Variants in EMC3 observed in about 807,000 individuals in gnomAD.
EMC3 encodes ER membrane protein complex subunit 3, also known as 30 kDa protein.
Under a neutral mutation model 36.6 loss-of-function variants are expected in EMC3, and 13 were observed. The ratio of observed to expected loss-of-function variants is 0.35; its 90% CI spans 0.23 to 0.56. The LOEUF is 0.56. EMC3 is among the 20% of genes least tolerant of loss of function. The pLI is 0.84. For synonymous variants in EMC3, 120 were observed against 111.9 expected (o/e 1.07, Z -0.46); for missense variants, 220 against 324.5 (o/e 0.68, Z 2.47).
At chr3:9,964,247 C>T (rs373348172) in intron 7 of EMC3, 50 bp from the exon 8 acceptor site, 18 of 1,604,056 alleles carry the variant, frequency 1.1e-5, no homozygotes, top group Non-Finnish European at 1.5e-5. Flanking sequence ...TTGTTACTGA[C>T]AGCTGTGGCT....
In EMC3 at chr3:9,970,570, C is replaced by G; in HGVS notation, c.574+12G>C. 1 of 1,613,918 alleles carries G rather than the reference C, an allele frequency of 6.2e-7. No individual in the cohort carries two copies. Among genetic ancestry groups the G allele is most frequent in the Middle Eastern group, 1.7e-4 (1 of 6,060 alleles). On this transcript the variant is annotated intron_variant, in intron 6 of 7. Coordinates refer to ENST00000245046, the MANE Select transcript of EMC3 (RefSeq NM_001394674.1). ...GGAAGTATTTGCTTAGTAAACCTGA[C>G]ATGCTTCTTACCATTATCTTGGCCC...
At chr3:9,992,733 G>A in intron 1 of EMC3, 1 of 609,466 alleles carries the variant, frequency 1.6e-6, no homozygotes. Context: ...TGGGTTTTGT[G>A]AAAAGTGTAG....
At chr3:10,004,019 T>C (rs6786636) in intron 1 of EMC3, 57,338 of 152,112 alleles carry the variant, frequency 0.38, 14,969 homozygotes, top group African/African-American at 0.75. Flanking sequence ...TACATGGCCC[T>C]GGAACGTTTC....
chr3:9,999,504 G>C (rs1017331142), intron 1 of EMC3, among the ~76,000 whole-genome samples: 25 of 152,104 alleles, frequency 1.6e-4, no homozygotes, highest in Non-Finnish European at 1.6e-4. Context: ...CTCCCAAAGT[G>C]CTGTGATTAC....
At chr3:9,969,947 G>T (rs2085768702) in intron 6 of EMC3, 146 bp from the exon 7 acceptor site, 1 of 1,342,708 alleles carries the variant, frequency 7.4e-7, no homozygotes, top group Non-Finnish European at 9.8e-7. Context: ...GTGACTCTAG[G>T]AAAGTCACTT....
At chr3:9,994,322 A>C (rs1186772584) in intron 1 of EMC3, 1 of 905,624 alleles carries the variant, frequency 1.1e-6, no homozygotes, top group South Asian at 1.3e-5. Flanking sequence ...TACTGCCAGC[A>C]GGTATGTTGA....
At chr3:9,995,769 C>T (rs1452178809) in intron 1 of EMC3, among the ~76,000 whole-genome samples, 4 of 151,970 alleles carry the variant, frequency 2.6e-5, no homozygotes, top group Non-Finnish European at 5.9e-5. Flanking sequence ...TTCCAAGTAC[C>T]TGGGACTACA....
chr3:9,993,294 T>C (rs1161714975), intron 1 of EMC3, among the ~76,000 whole-genome samples: 1 of 152,236 alleles, frequency 6.6e-6, no homozygotes, highest in Non-Finnish European at 1.5e-5. Context: ...TATCACTCTT[T>C]GGCCATTCAA....
chr3:10,006,184 G>T (rs1448075317), intron 1 of EMC3, among the ~76,000 whole-genome samples: 2 of 152,340 alleles, frequency 1.3e-5, no homozygotes, highest in East Asian at 3.9e-4. Context: ...ATCCCAGGAA[G>T]CCAGCATCGT....
intron 7 of EMC3, among the ~76,000 whole-genome samples, chr3:9,967,939 T>C (rs1044407337): frequency 6.6e-6 from 1 of 152,250 alleles, no homozygotes; most frequent in Non-Finnish European, 1.5e-5. Flanking sequence ...TTCTTTTTTT[T>C]TGAGACGAAG....
chr3:10,008,884 A>G (rs1325751284), intron 1 of EMC3: 1 of 176,244 alleles, frequency 5.7e-6, no homozygotes, highest in Non-Finnish European at 1.2e-5. Flanking sequence ...AGACCCTGGG[A>G]TTCAAGCCCG....
chr3:10,008,262 C>A (rs1296665487), intron 1 of EMC3: 2 of 538,158 alleles, frequency 3.7e-6, no homozygotes, highest in Non-Finnish European at 6.3e-6. Context: ...TGGCTGTGAC[C>A]TGTGGTAGAG....
upstream of EMC3, chr3:9,986,916 G>A (rs1409533303): frequency 1.6e-6 from 2 of 1,283,848 alleles, no homozygotes; most frequent in Non-Finnish European, 2.0e-6. Flanking sequence ...GCGGGAAAGT[G>A]GAAAACTATC....
chr3:9,969,898 CT>C, intron 6 of EMC3, 97 bp from the exon 7 acceptor site: 1 of 1,515,300 alleles, frequency 6.6e-7, no homozygotes, highest in Non-Finnish European at 8.8e-7. Context: ...GAGAACTGGA[CT>C]ACAGCCTCAC....
intron 1 of EMC3, among the ~76,000 whole-genome samples, chr3:9,998,955 G>A (rs1035941348): frequency 3.9e-5 from 6 of 152,058 alleles, no homozygotes; most frequent in Non-Finnish European, 7.4e-5. Context: ...ATAAGGTTTC[G>A]TCATGTTACC....
At chr3:10,008,510 G>T (rs1443880602) in intron 1 of EMC3, 2 of 1,364,000 alleles carry the variant, frequency 1.5e-6, no homozygotes, top group South Asian at 2.3e-5. Flanking sequence ...CAGCCATGGA[G>T]GGTGGGGAGC....
rs571631860 is a variant in EMC3 at position 9,973,295 on chromosome 3, T to C, written c.494+333A>G. ...CTGCAAGCTCCGCCTCCTGGGTTCA[T>C]GCAATTCTCCTGCCTCAGCCTCCCG... On this transcript the variant is annotated intron_variant, in intron 5 of 7. Coordinates refer to ENST00000245046, the MANE Select transcript of EMC3 (RefSeq NM_001394674.1). Among the ~76,000 whole-genome samples the C allele has an allele frequency of 1.4e-3, 211 of 151,866 alleles. 1 individual carries two copies. The highest frequency in any genetic ancestry group is 6.4e-3 in the Admixed American group (98 of 15,250).
At chr3:9,974,518 T>TG in intron 3 of EMC3, 30 bp from the exon 4 acceptor site, 1 of 1,452,876 alleles carries the variant, frequency 6.9e-7, no homozygotes, top group Non-Finnish European at 9.7e-7. Flanking sequence ...AAGAAACCAC[T>TG]AAGTTTTACC....
At chr3:9,970,062 C>A (rs1443548548) in intron 6 of EMC3, among the ~76,000 whole-genome samples, 1 of 152,242 alleles carries the variant, frequency 6.6e-6, no homozygotes, top group African/African-American at 2.4e-5. Context: ...AGTTATTGAG[C>A]AACTACTGCA....
Sources: gnomAD v4.1 joint callset for allele counts (sites outside exome capture counted in the v4.1 genomes callset) on GRCh38, gnomAD v4.1.1 for gene constraint, MANE v1.5 for transcripts, NCBI Gene and HGNC (gene_info 2026-07-23, HGNC 2026-07-21) for gene names.